FBXL7: variants seen among roughly 807,000 people sequenced by gnomAD.
FBXL7 encodes F-box/LRR-repeat protein 7.
In FBXL7, 12 loss-of-function variants were observed where a neutral mutation model predicts 38.3. That is an observed-to-expected ratio of 0.31 (90% CI 0.20 to 0.51). The LOEUF is 0.51. FBXL7 is among the 20% of genes least tolerant of loss of function. The pLI, the probability that FBXL7 is intolerant of heterozygous loss-of-function variation, is 0.98. For synonymous variants in FBXL7, 297 were observed against 300.9 expected (o/e 0.99, Z 0.13); for missense variants, 567 against 676.4 (o/e 0.84, Z 1.79).
intron 2 of FBXL7, among the ~76,000 whole-genome samples, chr5:15,748,697 A>AT (rs1561110971): frequency 6.6e-6 from 1 of 151,880 alleles, no homozygotes; most frequent in African/African-American, 2.4e-5. Context: ...ACAAGGGCTA[A>AT]TTTTTTTTGT....
intron 2 of FBXL7, among the ~76,000 whole-genome samples, chr5:15,708,203 G>C (rs143342201): frequency 7.0e-4 from 106 of 152,210 alleles, no homozygotes; most frequent in African/African-American, 2.4e-3. Flanking sequence ...ACATAAATCT[G>C]GTTTCTGAAG....
At chr5:15,746,958 C>T (rs1445046155) in intron 2 of FBXL7, among the ~76,000 whole-genome samples, 2 of 152,062 alleles carry the variant, frequency 1.3e-5, no homozygotes, top group Non-Finnish European at 2.9e-5. Context: ...TCTTAACACT[C>T]ACTCTGGCTT....
intron 2 of FBXL7, among the ~76,000 whole-genome samples, chr5:15,655,883 CTGTTAT>C (rs1423933285): frequency 9.9e-5 from 15 of 152,198 alleles, no homozygotes; most frequent in Non-Finnish European, 2.1e-4. Context: ...AAACACAGTA[CTGTTAT>C]TGTATCTGGA....
intron 2 of FBXL7, among the ~76,000 whole-genome samples, chr5:15,778,869 A>G (rs1419130521): frequency 6.6e-6 from 1 of 152,142 alleles, no homozygotes; most frequent in African/African-American, 2.4e-5. Context: ...TGAAAGGATA[A>G]TCTTGCTAGG....
intron 2 of FBXL7, among the ~76,000 whole-genome samples, chr5:15,914,674 C>G (rs1162660749): frequency 6.6e-6 from 1 of 152,228 alleles, no homozygotes; most frequent in Admixed American, 6.5e-5. Flanking sequence ...CTTCTTCAAT[C>G]TGAAACATCT....
At chr5:15,913,049 GA>G (rs1009995432) in intron 2 of FBXL7, among the ~76,000 whole-genome samples, 4 of 152,140 alleles carry the variant, frequency 2.6e-5, no homozygotes, top group Admixed American at 2.6e-4. Flanking sequence ...AATATAGAAA[GA>G]ATAAAATGTT....
At chr5:15,638,555 C>A (rs1741259176) in intron 2 of FBXL7, among the ~76,000 whole-genome samples, 1 of 151,752 alleles carries the variant, frequency 6.6e-6, no homozygotes, top group Non-Finnish European at 1.5e-5. Flanking sequence ...TTGCATAATT[C>A]CAGTGTCGAG....
At position 15,939,224 on chromosome 5, in the gene FBXL7, C is replaced by T. The variant is rs1275579417; in HGVS notation, c.*2038C>T. ...ATGAATCATTTAGCTAGGCCAGGAT[C>T]TAGTGAAAGCCACAGAGTTTAAAAC... On this transcript the variant is annotated 3_prime_UTR_variant, in exon 4 of 4. Transcript: ENST00000504595. The T allele has an allele frequency of 2.5e-6, 1 of 395,410 alleles. No individual in the cohort carries two copies. Among genetic ancestry groups the T allele is most frequent in the East Asian group, 3.6e-5 (1 of 27,904 alleles). 24.5% of individuals were successfully genotyped at this position (395,410 alleles called of 1,614,324 possible). A position where few individuals can be genotyped will look rare whatever the true frequency, so the allele number is the denominator to read the frequency against.
At chr5:15,610,407 T>C (rs1050591406) in intron 1 of FBXL7, among the ~76,000 whole-genome samples, 4 of 152,186 alleles carry the variant, frequency 2.6e-5, no homozygotes, top group Non-Finnish European at 5.9e-5. Context: ...TATGTACAAC[T>C]CCAGGGTCTA....
intron 2 of FBXL7, among the ~76,000 whole-genome samples, chr5:15,755,516 A>G (rs1398404140): frequency 6.6e-6 from 1 of 152,212 alleles, no homozygotes; most frequent in Non-Finnish European, 1.5e-5. Context: ...AGATTAGATC[A>G]GTAGTTCTTT....
At chr5:15,799,926 T>C (rs377449441) in intron 2 of FBXL7, among the ~76,000 whole-genome samples, 1 of 97,102 alleles carries the variant, frequency 1.0e-5, no homozygotes, top group Non-Finnish European at 2.5e-5. Context: ...TGTCATAAAG[T>C]GTTTTTTTTT....
chr5:15,514,824 G>A (rs1385887941), intron 1 of FBXL7, among the ~76,000 whole-genome samples: 1 of 152,188 alleles, frequency 6.6e-6, no homozygotes, highest in Non-Finnish European at 1.5e-5. Context: ...AAGACAGGGA[G>A]GTTCAGGGAG....
chr5:15,537,619 A>G (rs972653964), intron 1 of FBXL7, among the ~76,000 whole-genome samples: 5 of 152,242 alleles, frequency 3.3e-5, no homozygotes, highest in Non-Finnish European at 7.3e-5. Context: ...CTCCAACAGG[A>G]CAAATTGTTG....
At chr5:15,776,443 G>GA (rs924585002) in intron 2 of FBXL7, among the ~76,000 whole-genome samples, 1 of 151,690 alleles carries the variant, frequency 6.6e-6, no homozygotes, top group African/African-American at 2.4e-5. Flanking sequence ...AACTCTTAAG[G>GA]AAAAAAAACA....
chr5:15,644,120 G>A (rs1741452232), intron 2 of FBXL7, among the ~76,000 whole-genome samples: 1 of 152,040 alleles, frequency 6.6e-6, no homozygotes, highest in Non-Finnish European at 1.5e-5. Flanking sequence ...GTAGAAAATA[G>A]TCATATTATT....
chr5:15,715,039 A>G (rs1579401371), intron 2 of FBXL7, among the ~76,000 whole-genome samples: 1 of 152,250 alleles, frequency 6.6e-6, no homozygotes, highest in Non-Finnish European at 1.5e-5. Context: ...GAAGGAACGC[A>G]GTCCTGCCAA....
intron 2 of FBXL7, among the ~76,000 whole-genome samples, chr5:15,734,341 T>A (rs1448373535): frequency 6.6e-6 from 1 of 152,220 alleles, no homozygotes. Context: ...ATACTGCTCC[T>A]CTGGGGCTGG....
At position 15,939,114 on chromosome 5, in the gene FBXL7, G is replaced by T; in HGVS notation, c.*1928G>T. On this transcript the variant is annotated 3_prime_UTR_variant, in exon 4 of 4. Coordinates refer to ENST00000504595, the MANE Select transcript of FBXL7 (RefSeq NM_012304.5). ...GTGTGATGAGGTGGTGTCTGCCCAG[G>T]AGGTTTCTTTCAAACATCATGGCCT... 1 of 398,906 alleles carries T rather than the reference G, an allele frequency of 2.5e-6. No individual in the cohort carries two copies. Among genetic ancestry groups the T allele is most frequent in the South Asian group, 1.3e-4 (1 of 7,840 alleles). The allele number at this position is 398,906 out of a possible 1,614,324, so 24.7% of individuals were successfully genotyped here. A position where few individuals can be genotyped will look rare whatever the true frequency, so the allele number is the denominator to read the frequency against.
At chr5:15,770,886 T>C (rs1320121393) in intron 2 of FBXL7, among the ~76,000 whole-genome samples, 2 of 152,162 alleles carry the variant, frequency 1.3e-5, no homozygotes, top group African/African-American at 4.8e-5. Context: ...GTACCCATGA[T>C]GAGGCAGGCA....
Sources: allele counts gnomAD v4.1 joint callset (sites outside exome capture counted in the v4.1 genomes callset), GRCh38; gene constraint gnomAD v4.1.1; transcripts MANE v1.5; gene names NCBI Gene and HGNC (gene_info 2026-07-23, HGNC 2026-07-21).